The following SRGAP1 variants were observed in gnomAD, a reference collection of about 807,000 sequenced individuals.
SRGAP1 encodes SLIT-ROBO Rho GTPase-activating protein 1.
SRGAP1 carries 43 observed loss-of-function variants against 121.9 expected under a neutral mutation model. That is an observed-to-expected ratio of 0.35 (90% CI 0.28 to 0.46). SRGAP1 has a LOEUF of 0.46. Ranked by LOEUF, SRGAP1 falls within the 20% of genes least tolerant of loss-of-function variation. The pLI, the probability that SRGAP1 is intolerant of heterozygous loss-of-function variation, is 1.00. For synonymous variants in SRGAP1, 447 were observed against 485.4 expected (o/e 0.92, Z 1.04); for missense variants, 1,102 against 1,350.9 (o/e 0.82, Z 2.89).
chr12:63,884,865 G>A (rs1362196835), intron 1 of SRGAP1, among the ~76,000 whole-genome samples: 2 of 151,484 alleles, frequency 1.3e-5, no homozygotes, highest in African/African-American at 2.4e-5. Flanking sequence ...GACTACAGGC[G>A]CCCGCCACCA....
chr12:64,060,343 G>A (rs553756303), intron 6 of SRGAP1, among the ~76,000 whole-genome samples: 1 of 151,432 alleles, frequency 6.6e-6, no homozygotes, highest in South Asian at 2.1e-4. Flanking sequence ...GAATAGCTAG[G>A]ACCACAGCAC....
At chr12:64,097,625 G>T in intron 15 of SRGAP1, 1 of 348,814 alleles carries the variant, frequency 2.9e-6, no homozygotes. Flanking sequence ...CCCACTCATG[G>T]CTGGAATTGA....
In SRGAP1 at chr12:64,147,488, C is replaced by G. The variant is rs1182710796; in HGVS notation, c.*4816C>G. 1 of 398,264 alleles carries G rather than the reference C, an allele frequency of 2.5e-6. No homozygotes were observed. The allele number at this position is 398,264 out of a possible 1,614,324, so 24.7% of individuals were successfully genotyped here. A position where few individuals can be genotyped will look rare whatever the true frequency, so the allele number is the denominator to read the frequency against. On this transcript the variant is annotated 3_prime_UTR_variant, in exon 22 of 22. Coordinates refer to ENST00000355086, the MANE Select transcript of SRGAP1 (RefSeq NM_020762.4). ...GTAATGTCCCATCTCACCTCCCTGT[C>G]GGTCCTCAGACTGTCTCGTTTTCCT...
intron 1 of SRGAP1, among the ~76,000 whole-genome samples, chr12:63,946,648 A>G (rs935515429): frequency 2.0e-5 from 3 of 151,408 alleles, no homozygotes; most frequent in Admixed American, 6.6e-5. Context: ...GGTTCAAGCA[A>G]TTCTTCTGCC....
At chr12:64,121,748 A>G (rs2036608986) in intron 18 of SRGAP1, among the ~76,000 whole-genome samples, 1 of 152,200 alleles carries the variant, frequency 6.6e-6, no homozygotes, top group South Asian at 2.1e-4. Flanking sequence ...TCTCACCATC[A>G]TGCCATCTGC....
intron 1 of SRGAP1, among the ~76,000 whole-genome samples, chr12:63,848,797 A>G (rs564541085): frequency 6.6e-5 from 10 of 152,340 alleles, no homozygotes; most frequent in African/African-American, 2.4e-4. Context: ...TCAAGCTTTT[A>G]AAGTTTTCAG....
intron 15 of SRGAP1, among the ~76,000 whole-genome samples, chr12:64,106,362 GCAA>G (rs758914565): frequency 2.0e-5 from 3 of 152,116 alleles, no homozygotes; most frequent in South Asian, 2.1e-4. Flanking sequence ...CTTTAAAGCA[GCAA>G]CAACATTACA....
chr12:63,983,176 A>G (rs1482352466), intron 1 of SRGAP1: 6 of 152,222 alleles, frequency 3.9e-5, no homozygotes, highest in Non-Finnish European at 7.3e-5. Context: ...TATGCACTAA[A>G]TAAAAATTAC....
intron 1 of SRGAP1, among the ~76,000 whole-genome samples, chr12:63,904,293 TCA>T (rs2030090038): frequency 6.6e-6 from 1 of 152,206 alleles, no homozygotes; most frequent in South Asian, 2.1e-4. Flanking sequence ...CAGGTTCTGA[TCA>T]CACATTTCTG....
rs1490521754 is a variant in SRGAP1, at chr12:64,160,816, G to A, written c.*18144G>A. On this transcript the variant is annotated 3_prime_UTR_variant, in exon 22 of 22. Coordinates refer to ENST00000355086, the MANE Select transcript of SRGAP1 (RefSeq NM_020762.4). ...GAAAAGGCAGAGCCAAGGAGAGATCGACAAACAAGAAGGATTGTGCCCATA... is the reference window on the plus strand; with the variant it reads ...GAAAAGGCAGAGCCAAGGAGAGATCAACAAACAAGAAGGATTGTGCCCATA... 6.6e-6 allele frequency: 1 copy of A among 152,148 alleles called. No homozygotes were observed. Among genetic ancestry groups the A allele is most frequent in the Non-Finnish European group, 1.5e-5 (1 of 68,018 alleles). The allele number at this position is 152,148 out of a possible 1,614,324, so 9.4% of individuals were successfully genotyped here. A position where few individuals can be genotyped will look rare whatever the true frequency, so the allele number is the denominator to read the frequency against.
chr12:64,057,586 A>G (rs986758561), intron 6 of SRGAP1, among the ~76,000 whole-genome samples: 2 of 152,154 alleles, frequency 1.3e-5, no homozygotes, highest in Non-Finnish European at 2.9e-5. Context: ...AGGTTGCACT[A>G]TTTTGCAAGA....
In SRGAP1 at chr12:64,127,877, G is replaced by A. The variant is rs2036720796; in HGVS notation, c.2557G>A (p.Glu853Lys). 1 of 1,611,230 alleles carries A rather than the reference G, an allele frequency of 6.2e-7. No individual in the cohort carries two copies. The highest frequency in any genetic ancestry group is 1.3e-5 in the African/African-American group (1 of 74,840). ...AATGTCTAGGCAACGAAAAAGAGGA[G>A]AGCCACCCCCTCCAGTAAGGCGTCC... ...GYLARQRKRG[E>K]PPPPVRRPGR... The change falls in exon 21 of 22, where the codon GAG becomes AAG. Residue 853 changes from glutamate to lysine, a missense_variant. This residue lies in a region of SRGAP1 where 315 missense variants were observed against 343.1 expected (regional missense o/e 0.92). Transcript: ENST00000355086.
intron 1 of SRGAP1, among the ~76,000 whole-genome samples, chr12:63,927,815 TGAGGGAAC>T (rs1277392862): frequency 6.6e-6 from 1 of 151,424 alleles, no homozygotes; most frequent in African/African-American, 2.5e-5. Context: ...ATTTGTTATT[TGAGGGAAC>T]TGGGAACCCT....
intron 16 of SRGAP1, among the ~76,000 whole-genome samples, chr12:64,109,732 G>A (rs1220751247): frequency 6.6e-6 from 1 of 152,188 alleles, no homozygotes; most frequent in Non-Finnish European, 1.5e-5. Flanking sequence ...AGAAATGCAG[G>A]GGGAATCAAC....
intron 1 of SRGAP1, among the ~76,000 whole-genome samples, chr12:63,924,998 C>T (rs2031203516): frequency 6.6e-6 from 1 of 151,826 alleles, no homozygotes; most frequent in Non-Finnish European, 1.5e-5. Flanking sequence ...CTATTTATGG[C>T]TCTCAAGTGG....
chr12:63,962,697 C>T (rs946095036), intron 1 of SRGAP1, among the ~76,000 whole-genome samples: 2 of 152,096 alleles, frequency 1.3e-5, no homozygotes, highest in African/African-American at 4.8e-5. Flanking sequence ...TGTGAGCCAC[C>T]GCACCCAGCC....
chr12:64,043,421 C>T (rs1162509503), intron 5 of SRGAP1, 26 bp from the exon 6 acceptor site: 2 of 1,595,430 alleles, frequency 1.3e-6, no homozygotes, highest in African/African-American at 1.4e-5. Flanking sequence ...CATTCTTTCC[C>T]AATGCCTGGA....
At chr12:63,918,426 C>A (rs770882781) in intron 1 of SRGAP1, among the ~76,000 whole-genome samples, 1 of 152,112 alleles carries the variant, frequency 6.6e-6, no homozygotes, top group Non-Finnish European at 1.5e-5. Flanking sequence ...ATTGCTTTCT[C>A]TCTTTTTTTA....
intron 3 of SRGAP1, among the ~76,000 whole-genome samples, chr12:64,010,904 A>C (rs888420687): frequency 1.3e-5 from 2 of 151,528 alleles, no homozygotes; most frequent in African/African-American, 4.9e-5. Flanking sequence ...TAGATGGCCT[A>C]GAGGTGGTAA....
Sources: gnomAD v4.1 joint callset for allele counts (sites outside exome capture counted in the v4.1 genomes callset) on GRCh38, gnomAD v4.1.1 for gene constraint, gnomAD v4.1.1 regional missense constraint, MANE v1.5 for transcripts, NCBI Gene and HGNC (gene_info 2026-07-23, HGNC 2026-07-21) for gene names.